The following L3MBTL4 variants were observed in gnomAD, a reference collection of about 807,000 sequenced individuals.
The protein encoded by L3MBTL4 is lethal(3)malignant brain tumor-like protein 4.
L3MBTL4 carries 70 observed loss-of-function variants against 84.5 expected under a neutral mutation model. The observed-to-expected ratio is 0.83, with a 90% CI of 0.68 to 1.01. L3MBTL4 has a LOEUF of 1.01. Ranked by LOEUF, L3MBTL4 falls within the 50% of genes least tolerant of loss-of-function variation. The probability of loss-of-function intolerance (pLI) is 0.00; values close to 1 mark genes in which losing one functional copy is unlikely to be tolerated. For missense variants in L3MBTL4, 715 were observed against 754.8 expected (o/e 0.95, Z 0.62); for synonymous variants, 274 against 259.8 (o/e 1.05, Z -0.52).
At chr18:6,337,686 T>C (rs556118522) in intron 1 of L3MBTL4, among the ~76,000 whole-genome samples, 1 of 152,262 alleles carries the variant, frequency 6.6e-6, no homozygotes, top group South Asian at 2.1e-4. Flanking sequence ...CACATGGATG[T>C]GTTTACTTTG....
At chr18:6,169,674 T>G (rs1352223288) in intron 13 of L3MBTL4, among the ~76,000 whole-genome samples, 4 of 92,412 alleles carry the variant, frequency 4.3e-5, no homozygotes, top group Non-Finnish European at 4.1e-5. Context: ...CACTGGGGAC[T>G]GTTGTGGGGT....
intron 1 of L3MBTL4, among the ~76,000 whole-genome samples, chr18:6,380,830 G>A (rs2054568700): frequency 6.6e-6 from 1 of 152,148 alleles, no homozygotes; most frequent in Non-Finnish European, 1.5e-5. Context: ...ATGTCTATTA[G>A]GTCCACTTGG....
chr18:6,414,925 C>G (rs1251538294), upstream of L3MBTL4: 1 of 149,520 alleles, frequency 6.7e-6, no homozygotes, highest in Admixed American at 6.7e-5. The surrounding 1 kb of genome is among the most constrained non-coding windows in gnomAD (Gnocchi z 5.4). Flanking sequence ...GGGAGGGGCG[C>G]GAGGGTGCAC....
Position 6,080,932 on chromosome 18 carries a change from A to C in L3MBTL4, c.1393T>G (p.Cys465Gly). The change falls in exon 16 of 19, where the codon TGT (cysteine) becomes GGT (glycine). Residue 465 changes from cysteine (C) to glycine (G), a missense_variant. Cys to Gly is a radical substitution (Grantham distance 159). Coordinates refer to ENST00000317931, the MANE Select transcript of L3MBTL4 (RefSeq NM_001330559.2). ...SQPRLVQQAK[C>G]LKIKGKEDID... is the part of the protein sequence containing the mutation. ...TCTTCTTTTCCTTTGATTTTCAAAC[A>C]CTTTGCCTGCTGTACAAGTCTGGGC... 6.2e-7 allele frequency: 1 copy of C among 1,606,754 alleles called. No homozygotes were observed.
At chr18:6,002,038 A>G (rs2054238889) in intron 16 of L3MBTL4, among the ~76,000 whole-genome samples, 4 of 152,174 alleles carry the variant, frequency 2.6e-5, no homozygotes, top group Admixed American at 2.6e-4. Flanking sequence ...GGAATCCTGA[A>G]AGCACCAGAA....
At chr18:5,958,062 GAGAAGAAGAAGAAGA>G (rs563678931) in intron 18 of L3MBTL4, among the ~76,000 whole-genome samples, 992 of 93,198 alleles carry the variant, frequency 0.011, 14 homozygotes, top group Admixed American at 0.013. Flanking sequence ...GAAGGAGAAG[GAGAAGAAGAAGAAGA>G]AGAAGAAGAA....
At chr18:6,264,629 CA>C (rs2048549897) in intron 4 of L3MBTL4, among the ~76,000 whole-genome samples, 1 of 152,130 alleles carries the variant, frequency 6.6e-6, no homozygotes, top group Non-Finnish European at 1.5e-5. Flanking sequence ...ACTAAAAATA[CA>C]AAAATTAGCT....
chr18:6,270,653 T>C (rs1417111048), intron 4 of L3MBTL4, among the ~76,000 whole-genome samples: 2 of 152,172 alleles, frequency 1.3e-5, no homozygotes, highest in Admixed American at 1.3e-4. Flanking sequence ...AGAAGCAGCA[T>C]GGGCAAAGCC....
At chr18:6,296,999 C>T (rs542024917) in intron 4 of L3MBTL4, among the ~76,000 whole-genome samples, 22 of 152,136 alleles carry the variant, frequency 1.4e-4, no homozygotes, top group East Asian at 9.7e-4. Flanking sequence ...AAAGTGAGTT[C>T]GGTTTTAATG....
At chr18:6,060,467 G>T (rs1035246664) in intron 16 of L3MBTL4, among the ~76,000 whole-genome samples, 1 of 149,900 alleles carries the variant, frequency 6.7e-6, no homozygotes, top group Non-Finnish European at 1.5e-5. Flanking sequence ...AAATTTAACA[G>T]ACAGTACAGA....
chr18:5,963,457 C>T (rs2052167551), intron 17 of L3MBTL4, among the ~76,000 whole-genome samples: 2 of 152,212 alleles, frequency 1.3e-5, no homozygotes, highest in South Asian at 4.1e-4. Flanking sequence ...CCGTGGTGGC[C>T]TCCACCTGGC....
chr18:6,004,351 C>A (rs147467761), intron 16 of L3MBTL4, among the ~76,000 whole-genome samples: 24 of 152,236 alleles, frequency 1.6e-4, no homozygotes, highest in African/African-American at 5.8e-4. Context: ...TCTGAATGGA[C>A]CTATAGCTAG....
At chr18:6,124,511 G>A (rs970164130) in intron 14 of L3MBTL4, among the ~76,000 whole-genome samples, 21 of 151,044 alleles carry the variant, frequency 1.4e-4, no homozygotes, top group African/African-American at 4.6e-4. Context: ...ATCAATACAT[G>A]GTAGCAGGAG....
At chr18:6,338,537 C>G (rs1384847954) in intron 1 of L3MBTL4, among the ~76,000 whole-genome samples, 3 of 151,640 alleles carry the variant, frequency 2.0e-5, no homozygotes, top group Non-Finnish European at 1.5e-5. Flanking sequence ...ATAGAGATTT[C>G]TAATCATTAT....
chr18:6,247,218 A>C (rs890736631), intron 5 of L3MBTL4, among the ~76,000 whole-genome samples: 1 of 152,116 alleles, frequency 6.6e-6, no homozygotes, highest in African/African-American at 2.4e-5. Context: ...ATTAACTGTA[A>C]ATTTAACATT....
intron 13 of L3MBTL4, among the ~76,000 whole-genome samples, chr18:6,151,875 A>G (rs949332822): frequency 6.6e-6 from 1 of 152,178 alleles, no homozygotes; most frequent in African/African-American, 2.4e-5. Flanking sequence ...ACATTTGGCC[A>G]ACATTTCTCC....
chr18:6,261,761 C>G (rs1274252699), intron 5 of L3MBTL4, among the ~76,000 whole-genome samples: 1 of 152,144 alleles, frequency 6.6e-6, no homozygotes, highest in Non-Finnish European at 1.5e-5. Flanking sequence ...TGCAGGTGTT[C>G]TTGCTCTGGC....
chr18:6,403,844 C>T (rs1222111153), intron 1 of L3MBTL4, among the ~76,000 whole-genome samples: 1 of 152,194 alleles, frequency 6.6e-6, no homozygotes, highest in African/African-American at 2.4e-5. Flanking sequence ...ATGGAACCAA[C>T]CTAAATGCCC....
chr18:6,024,242 T>G (rs2055401388), intron 16 of L3MBTL4, among the ~76,000 whole-genome samples: 1 of 152,216 alleles, frequency 6.6e-6, no homozygotes, highest in African/African-American at 2.4e-5. Flanking sequence ...CATTTTGAAG[T>G]TTGGATGGTC....
Sources: allele counts gnomAD v4.1 joint callset (sites outside exome capture counted in the v4.1 genomes callset), GRCh38; gene constraint gnomAD v4.1.1; non-coding constraint Gnocchi (gnomAD v3.1); transcripts MANE v1.5; gene names NCBI Gene and HGNC (gene_info 2026-07-23, HGNC 2026-07-21).